The following WEE2 variants were observed in gnomAD, a reference collection of about 807,000 sequenced individuals.
WEE2 encodes the protein wee1-like protein kinase 2.
A neutral mutation model predicts 60.1 loss-of-function variants in WEE2; 50 were observed. The ratio of observed to expected loss-of-function variants is 0.83; its 90% CI spans 0.66 to 1.05. The LOEUF is 1.05. Ranked by LOEUF, WEE2 falls within the 50% of genes least tolerant of loss-of-function variation. WEE2 has a pLI of 0.00. For synonymous variants in WEE2, 240 were observed against 241.0 expected (o/e 1.00, Z 0.04); for missense variants, 631 against 684.3 (o/e 0.92, Z 0.87).
chr7:141,727,762 G>A (rs1195183267), intron 10 of WEE2: 1 of 288,608 alleles, frequency 3.5e-6, no homozygotes, highest in African/African-American at 2.2e-5. Context: ...TAACTGGTTG[G>A]TGATCACCTA....
chr7:141,717,072 C>T (rs1482828977), intron 3 of WEE2, among the ~76,000 whole-genome samples: 1 of 152,126 alleles, frequency 6.6e-6, no homozygotes, highest in African/African-American at 2.4e-5. Flanking sequence ...ATGTTTATAA[C>T]ACCTTGAAAA....
chr7:141,715,450 C>T (rs1453525009), intron 2 of WEE2, among the ~76,000 whole-genome samples: 1 of 152,102 alleles, frequency 6.6e-6, no homozygotes, highest in East Asian at 1.9e-4. Flanking sequence ...AAATACCAAG[C>T]ATTGATTTAT....
At chr7:141,718,144 GA>G (rs1798841182) in intron 3 of WEE2, among the ~76,000 whole-genome samples, 3 of 152,086 alleles carry the variant, frequency 2.0e-5, no homozygotes, top group Non-Finnish European at 2.9e-5. Context: ...ATTAGATGTT[GA>G]AAATGAGGAA....
chr7:141,724,531 T>A (rs1480326845), intron 8 of WEE2, among the ~76,000 whole-genome samples: 1 of 152,232 alleles, frequency 6.6e-6, no homozygotes, highest in Non-Finnish European at 1.5e-5. Flanking sequence ...TTAGACTTCC[T>A]AACCTCATGG....
Position 141,730,690 on chromosome 7 carries a change from G to C in WEE2, c.*370G>C, listed in dbSNP as rs140968817. The C allele has an allele frequency of 3.0e-3, 528 of 175,166 alleles. 1 individual carries two copies. The highest frequency in any genetic ancestry group is 0.012 in the African/African-American group (502 of 42,470). 10.9% of individuals were successfully genotyped at this position (175,166 alleles called of 1,614,324 possible). ...TTGCAGAACAAAAATGCTGTGGGGA[G>C]AGGCTTCAGGGAAAACTTGATGTGC... is the stretch of plus-strand genomic sequence containing the variant. On this transcript the variant is annotated 3_prime_UTR_variant, in exon 12 of 12. Coordinates refer to ENST00000397541, the MANE Select transcript of WEE2 (RefSeq NM_001105558.1).
At chr7:141,727,148 A>C (rs888519139) in intron 9 of WEE2, 156 bp from the exon 10 acceptor site, 1 of 709,520 alleles carries the variant, frequency 1.4e-6, no homozygotes, top group Admixed American at 2.5e-5. Context: ...CTCCTGCCCC[A>C]GGTGGAGCTC....
rs1798761354 is a variant in WEE2 at position 141,714,368 on chromosome 7, C to A, written c.502C>A (p.Leu168Ile). 6.2e-7 allele frequency: 1 copy of A among 1,611,856 alleles called. No individual in the cohort carries two copies. The highest frequency in any genetic ancestry group is 8.5e-7 in the Non-Finnish European group (1 of 1,179,284). Reference sequence around the variant, plus strand: ...TCCAGAGTCCTATAAAAAATTATTTCTTCAATCTGGTGGCAAGAGGAAAAT... The same window carrying A: ...TCCAGAGTCCTATAAAAAATTATTTATTCAATCTGGTGGCAAGAGGAAAAT... ...FTPESYKKLF[L>I]QSGGKRKIRG... Residue 168 changes from leucine (L) to isoleucine (I), a missense_variant, in exon 2 of 12, where the codon CTT (leucine) becomes ATT (isoleucine). Physicochemically the swap from Leu to Ile is conservative, Grantham distance 5. Transcript: ENST00000397541.
At chr7:141,710,789 G>A (rs1182940439) in intron 1 of WEE2, among the ~76,000 whole-genome samples, 4 of 152,154 alleles carry the variant, frequency 2.6e-5, no homozygotes, top group Non-Finnish European at 4.4e-5. Context: ...ACGGGCCTGT[G>A]TGTGAGAGAG....
At chr7:141,716,198 T>C (rs1563013468) in intron 2 of WEE2, 24 bp from the exon 3 acceptor site, 1 of 1,603,420 alleles carries the variant, frequency 6.2e-7, no homozygotes, top group African/African-American at 1.3e-5. Flanking sequence ...TATATATTGA[T>C]AAACTTTTTT....
rs1377682042 is a variant in WEE2 at position 141,711,417 on chromosome 7, G to T, written c.342+2317G>T. 6.6e-6 allele frequency among the ~76,000 whole-genome samples: 1 copy of T among 152,172 alleles called. No homozygotes were observed. The highest frequency in any genetic ancestry group is 2.4e-5 in the African/African-American group (1 of 41,450). ...AAAGTACATACTTTATGAAAACACA[G>T]TTTGCGTTAGAGGAAAGAGGCTTGA... On this transcript the variant is annotated intron_variant, in intron 1 of 11. Transcript: ENST00000397541. This position sits in a 1 kb window ranked among gnomAD's most constrained non-coding sequence, Gnocchi z 4.2.
At chr7:141,719,309 T>C in intron 4 of WEE2, 65 bp downstream of exon 4, 2 of 1,422,076 alleles carry the variant, frequency 1.4e-6, no homozygotes, top group South Asian at 1.4e-5. Context: ...CTTGTCAAAT[T>C]ATTTTAAATT....
intron 8 of WEE2, among the ~76,000 whole-genome samples, chr7:141,724,646 G>A (rs1317329179): frequency 1.3e-5 from 2 of 152,244 alleles, no homozygotes; most frequent in African/African-American, 4.8e-5. Flanking sequence ...TTATTGAAAT[G>A]ATGTTTAGTC....
chr7:141,722,122 G>C (rs898269893), intron 5 of WEE2, among the ~76,000 whole-genome samples: 1 of 152,068 alleles, frequency 6.6e-6, no homozygotes, highest in Non-Finnish European at 1.5e-5. Flanking sequence ...ATAGTGTTCA[G>C]AGGCCGGGCG....
At chr7:141,729,478 A>C (rs1021697640) in intron 10 of WEE2, 53 bp from the exon 11 acceptor site, 1 of 1,610,886 alleles carries the variant, frequency 6.2e-7, no homozygotes, top group African/African-American at 1.3e-5. Flanking sequence ...TTGATCATAC[A>C]TATCTCTGAC....
chr7:141,719,144 G>A lies in WEE2; in HGVS notation c.658G>A (p.Val220Ile). ...ATTCTTGGAGGTTGAAAAAATTGGG[G>A]TTGGCGAATTTGGTACAGTCTACAA... is the stretch of plus-strand genomic sequence containing the variant. Reference protein sequence around the residue: ...KEFLEVEKIGVGEFGTVYKCI... With the variant: ...KEFLEVEKIGIGEFGTVYKCI... The change falls in exon 4 of 12, where the codon GTT becomes ATT. Residue 220 changes from valine (V) to isoleucine (I), a missense_variant. Physicochemically the swap from Val to Ile is conservative, Grantham distance 29. Transcript: ENST00000397541. 1 of 1,614,034 alleles carries A rather than the reference G, an allele frequency of 6.2e-7. No homozygotes were observed. Among genetic ancestry groups the A allele is most frequent in the Non-Finnish European group, 8.5e-7 (1 of 1,179,966 alleles).
rs576224101 is a variant in WEE2, at chr7:141,727,324, C to A, written c.1413C>A (p.Ala471=). 1 of 1,613,948 alleles carries A rather than the reference C, an allele frequency of 6.2e-7. No homozygotes were observed. The highest frequency in any genetic ancestry group is 1.3e-5 in the African/African-American group (1 of 74,896). The change falls in exon 10 of 12, where the codon GCC becomes GCA. Residue 471 remains alanine, a synonymous_variant. Coordinates refer to ENST00000397541, the MANE Select transcript of WEE2 (RefSeq NM_001105558.1). ...ATCAGAACATGATCCAACCTGATGC[C>A]GAACAGAGACCTTCTGCAGCAGCTC... ...SLLKNMIQPD[A]EQRPSAAALA...
chr7:141,724,700 G>A (rs903862422), intron 8 of WEE2, among the ~76,000 whole-genome samples: 1 of 152,154 alleles, frequency 6.6e-6, no homozygotes, highest in South Asian at 2.1e-4. Context: ...GCCTAGGAAG[G>A]ATATAACTTC....
intron 5 of WEE2, among the ~76,000 whole-genome samples, chr7:141,722,555 T>C (rs375344989): frequency 6.6e-6 from 1 of 152,218 alleles, no homozygotes; most frequent in Admixed American, 6.5e-5. Flanking sequence ...TTTAGGTGTA[T>C]GTGCAGCTTC....
At position 141,730,540 on chromosome 7, in the gene WEE2, A is replaced by G; in HGVS notation, c.*220A>G. ...GAGAGAATTCCCAGCTTCTTTGAGG[A>G]AGTGGGTCTCCTAATGTATACCCTT... On this transcript the variant is annotated 3_prime_UTR_variant, in exon 12 of 12. Transcript: ENST00000397541. 2.0e-6 allele frequency: 1 copy of G among 510,102 alleles called. No homozygotes were observed. The highest frequency in any genetic ancestry group is 3.5e-6 in the Non-Finnish European group (1 of 287,514). The allele number at this position is 510,102 out of a possible 1,614,324, so 31.6% of individuals were successfully genotyped here. A position where few individuals can be genotyped will look rare whatever the true frequency, so the allele number is the denominator to read the frequency against.
Sources: allele counts gnomAD v4.1 joint callset (sites outside exome capture counted in the v4.1 genomes callset), GRCh38; gene constraint gnomAD v4.1.1; non-coding constraint Gnocchi (gnomAD v3.1); transcripts MANE v1.5; gene names NCBI Gene and HGNC (gene_info 2026-07-23, HGNC 2026-07-21).